Variants in TRAIP observed in about 807,000 individuals in gnomAD.
TRAIP encodes E3 ubiquitin-protein ligase TRAIP.
TRAIP carries 37 observed loss-of-function variants against 65.0 expected under a neutral mutation model. The observed-to-expected ratio is 0.57, with a 90% CI of 0.44 to 0.75. The LOEUF (loss-of-function observed/expected upper bound fraction) is 0.75. Ranked by LOEUF, TRAIP falls within the 30% of genes least tolerant of loss-of-function variation. The probability of loss-of-function intolerance (pLI) is 0.00; values close to 1 mark genes in which losing one functional copy is unlikely to be tolerated. For missense variants in TRAIP, 481 were observed against 579.4 expected, an observed-to-expected ratio of 0.83 and a Z score of 1.74; for synonymous variants, 187 against 219.1, an observed-to-expected ratio of 0.85 and a Z score of 1.29.
intron 11 of TRAIP, among the ~76,000 whole-genome samples, chr3:49,831,645 C>A (rs1006328705): frequency 1.6e-4 from 24 of 152,224 alleles, no homozygotes; most frequent in Non-Finnish European, 1.0e-4. Flanking sequence ...CCAGACCCAC[C>A]CCTTCTGGCA....
At position 49,839,917 on chromosome 3, in the gene TRAIP, T is replaced by C. The variant is rs1001358078; in HGVS notation, c.796-57A>G. On this transcript the variant is annotated intron_variant, in intron 9 of 14. Coordinates refer to ENST00000331456, the MANE Select transcript of TRAIP (RefSeq NM_005879.3). ...AAGGCTGAGGCATCAAGTCCGGAGA[T>C]AATGCAGAGGACATGAGCAGCATGC... 5.9e-6 allele frequency: 9 copies of C among 1,537,204 alleles called. No homozygotes were observed. In the Admixed American group the frequency reaches 6.7e-5, roughly 11 times the overall value.
intron 5 of TRAIP, 50 bp from the exon 6 acceptor site, chr3:49,842,597 A>G (rs2081849037): frequency 6.5e-7 from 1 of 1,543,314 alleles, no homozygotes; most frequent in African/African-American, 1.4e-5. Context: ...CTCAGGAGCC[A>G]TTGCTAAAGT....
chr3:49,847,650 G>A, intron 2 of TRAIP, 42 bp from the exon 3 acceptor site: 1 of 1,445,432 alleles, frequency 6.9e-7, no homozygotes, highest in Non-Finnish European at 9.6e-7. Context: ...GTGTAGCTGG[G>A]TCATGCGCAA....
At chr3:49,840,450 G>A in intron 8 of TRAIP, 77 bp from the exon 9 acceptor site, 1 of 1,236,114 alleles carries the variant, frequency 8.1e-7, no homozygotes. Context: ...GCTCCCCAGG[G>A]AGTGATCAAG....
chr3:49,828,802 C>T lies in TRAIP; in HGVS notation c.*301G>A. ...GACAGTCAACAAGTGACCGTGGTCTCCAGGCCCAGAAAGAGTCTGACCACA... is the reference window on the plus strand; with the variant it reads ...GACAGTCAACAAGTGACCGTGGTCTTCAGGCCCAGAAAGAGTCTGACCACA... On this transcript the variant is annotated 3_prime_UTR_variant, in exon 15 of 15. Coordinates refer to ENST00000331456, the MANE Select transcript of TRAIP (RefSeq NM_005879.3). 2.9e-6 allele frequency: 1 copy of T among 343,224 alleles called. No individual in the cohort carries two copies. Among genetic ancestry groups the T allele is most frequent in the Non-Finnish European group, 5.7e-6 (1 of 175,048 alleles). 21.3% of individuals were successfully genotyped at this position (343,224 alleles called of 1,614,324 possible). A position where few individuals can be genotyped will look rare whatever the true frequency, so the allele number is the denominator to read the frequency against.
Position 49,844,553 on chromosome 3 carries a change from G to C in TRAIP, c.268C>G (p.Leu90Val), listed in dbSNP as rs767092212. 1.2e-6 allele frequency: 2 copies of C among 1,613,968 alleles called. No homozygotes were observed. Among genetic ancestry groups the C allele is most frequent in the Non-Finnish European group, 1.7e-6 (2 of 1,179,996 alleles). ...CTTGCTAACTCACCTTTCTGGGAAA[G>C]CTGGGCTCTGACATTGTCCAGTTCA... ...KNELDNVRAQ[L>V]SQKDKEKRDS... Residue 90 changes from leucine (L) to valine (V), a missense_variant, in exon 4 of 15, where the codon CTT (leucine) becomes GTT (valine). Physicochemically the swap from Leu to Val is conservative, Grantham distance 32 (BLOSUM62 1). Coordinates refer to ENST00000331456, the MANE Select transcript of TRAIP (RefSeq NM_005879.3).
chr3:49,833,791 G>C (rs1232945459), intron 10 of TRAIP, among the ~76,000 whole-genome samples: 1 of 152,112 alleles, frequency 6.6e-6, no homozygotes, highest in African/African-American at 2.4e-5. Flanking sequence ...GTCTTAGACT[G>C]TTTCTATATT....
chr3:49,833,512 C>A (rs573199067), intron 10 of TRAIP, among the ~76,000 whole-genome samples: 7 of 150,074 alleles, frequency 4.7e-5, no homozygotes, highest in Non-Finnish European at 8.9e-5. Flanking sequence ...CGGAATCTTG[C>A]TCTGTCACCC....
chr3:49,830,511 G>A (rs1201897968), intron 11 of TRAIP, among the ~76,000 whole-genome samples: 5 of 152,114 alleles, frequency 3.3e-5, no homozygotes, highest in East Asian at 1.9e-4. Context: ...CTACCTCCAC[G>A]AGAGCCTCAG....
rs1270804534 is a variant in TRAIP at position 49,844,540 on chromosome 3, CCTTT to C, written c.277_280del (p.Lys93ThrfsTer42). ...GCACCCCTCGTCTCTTGCTAACTCA[CCTTT>C]CTGGGAAAGCTGGGCTCTGACATTG... On this transcript the variant is annotated frameshift_variant and splice_region_variant, in exon 4 of 15. Transcript: ENST00000331456. LOFTEE classifies it high-confidence loss of function. 1.2e-6 allele frequency: 2 copies of C among 1,613,770 alleles called. No homozygotes were observed. The highest frequency in any genetic ancestry group is 1.7e-6 in the Non-Finnish European group (2 of 1,179,970).
intron 10 of TRAIP, among the ~76,000 whole-genome samples, chr3:49,838,973 G>A (rs926968173): frequency 2.6e-5 from 4 of 151,560 alleles, no homozygotes; most frequent in East Asian, 1.9e-4. Context: ...GGTGGCTCAC[G>A]AGGTCAGGAG....
chr3:49,829,780 C>T lies in TRAIP; in HGVS notation c.1087-14G>A. ...GAGCTGGGACTCCTGCAGGGAAGACCCCAGGGCCAGACTTGATGAGCTGGA... is the reference window on the plus strand; with the variant it reads ...GAGCTGGGACTCCTGCAGGGAAGACTCCAGGGCCAGACTTGATGAGCTGGA... On this transcript the variant is annotated splice_polypyrimidine_tract_variant and intron_variant, in intron 12 of 14. Coordinates refer to ENST00000331456, the MANE Select transcript of TRAIP (RefSeq NM_005879.3). 6.2e-7 allele frequency: 1 copy of T among 1,613,700 alleles called. No individual in the cohort carries two copies. Among genetic ancestry groups the T allele is most frequent in the Non-Finnish European group, 8.5e-7 (1 of 1,179,824 alleles).
rs1559450889 is a variant in TRAIP at position 49,847,536 on chromosome 3, C to A, written c.229G>T (p.Glu77Ter). 2 of 1,609,552 alleles carry A rather than the reference C, an allele frequency of 1.2e-6. No individual in the cohort carries two copies. Among genetic ancestry groups the A allele is most frequent in the Non-Finnish European group, 1.7e-6 (2 of 1,178,050 alleles). Reference protein sequence around the residue: ...AQEEENVLDAEFLKNELDNVR... With the variant: ...AQEEENVLDA ...TAAATTCTGGGTACCTTTAAGAATTCTGCATCCAAGACATTCTCCTCCTCC... is the reference window on the plus strand; with the variant it reads ...TAAATTCTGGGTACCTTTAAGAATTATGCATCCAAGACATTCTCCTCCTCC... The change falls in exon 3 of 15, where the codon GAA becomes TAA. Residue 77 changes from glutamate (E) to a stop codon, truncating the protein, a stop_gained. Coordinates refer to ENST00000331456, the MANE Select transcript of TRAIP (RefSeq NM_005879.3). LOFTEE classifies it high-confidence loss of function.
chr3:49,843,584 C>T (rs1028652117), intron 5 of TRAIP: 3 of 550,510 alleles, frequency 5.4e-6, no homozygotes, highest in African/African-American at 3.7e-5. Flanking sequence ...CTACCTAGTA[C>T]AAAACCCACA....
chr3:49,851,825 T>C (rs992520381), intron 1 of TRAIP, among the ~76,000 whole-genome samples: 2 of 151,820 alleles, frequency 1.3e-5, no homozygotes, highest in Non-Finnish European at 2.9e-5. Flanking sequence ...GCCTTCCAAG[T>C]AGCTGGGACT....
At chr3:49,845,064 G>A (rs1165634627) in intron 3 of TRAIP, among the ~76,000 whole-genome samples, 2 of 152,208 alleles carry the variant, frequency 1.3e-5, no homozygotes, top group African/African-American at 4.8e-5. Context: ...CTCTGAACTG[G>A]CTCTGTGTAC....
In TRAIP at chr3:49,828,998, A is replaced by T. The variant is rs2081707247; in HGVS notation, c.*105T>A. 1.3e-6 allele frequency: 2 copies of T among 1,525,474 alleles called. No individual in the cohort carries two copies. The allele number at this position is 1,525,474 out of a possible 1,614,324, so 94.5% of individuals were successfully genotyped here. A position where few individuals can be genotyped will look rare whatever the true frequency, so the allele number is the denominator to read the frequency against. On this transcript the variant is annotated 3_prime_UTR_variant, in exon 15 of 15. Transcript: ENST00000331456. Reference sequence around the variant, plus strand: ...ACCTGTTTGTCTGCCCTTACACCTCAGGCTGGTCCCGAAAGTGGGGCTCTG... The same window carrying T: ...ACCTGTTTGTCTGCCCTTACACCTCTGGCTGGTCCCGAAAGTGGGGCTCTG...
At chr3:49,847,877 G>A (rs570883205) in intron 2 of TRAIP, among the ~76,000 whole-genome samples, 4 of 152,246 alleles carry the variant, frequency 2.6e-5, no homozygotes, top group Admixed American at 1.3e-4. Flanking sequence ...CTCTAGGTGC[G>A]GAGTCACTGA....
At chr3:49,851,477 C>A (rs1380914152) in intron 1 of TRAIP, among the ~76,000 whole-genome samples, 1 of 152,252 alleles carries the variant, frequency 6.6e-6, no homozygotes, top group Non-Finnish European at 1.5e-5. Flanking sequence ...CAGCCTCAAC[C>A]TCCCAGGCTC....
Sources: gnomAD v4.1 joint callset for allele counts (sites outside exome capture counted in the v4.1 genomes callset) on GRCh38, gnomAD v4.1.1 for gene constraint, MANE v1.5 for transcripts, NCBI Gene and HGNC (gene_info 2026-07-23, HGNC 2026-07-21) for gene names.